The following MECOM variants were observed in gnomAD, a reference collection of about 807,000 sequenced individuals.
MECOM encodes MDS1 and EVI1 complex locus.
In MECOM, 13 loss-of-function variants were observed where a neutral mutation model predicts 116.3. That is an observed-to-expected ratio of 0.11 (90% CI 0.07 to 0.18). The LOEUF (loss-of-function observed/expected upper bound fraction) is 0.18, where lower values mean the gene tolerates loss of function less well. Ranked by LOEUF, MECOM falls within the 10% of genes least tolerant of loss-of-function variation. MECOM has a pLI of 1.00. For synonymous variants in MECOM, 528 were observed against 535.2 expected, an observed-to-expected ratio of 0.99 and a Z score of 0.19; for missense variants, 1,299 against 1,509.0, an observed-to-expected ratio of 0.86 and a Z score of 2.31.
intron 1 of MECOM, among the ~76,000 whole-genome samples, chr3:169,466,362 C>T (rs1360219980): frequency 3.3e-5 from 5 of 152,158 alleles, no homozygotes; most frequent in African/African-American, 7.2e-5. Context: ...GAAGGCTCTG[C>T]GCTGTGCTTG....
chr3:169,456,952 C>T (rs929978276), intron 1 of MECOM, among the ~76,000 whole-genome samples: 6 of 152,166 alleles, frequency 3.9e-5, no homozygotes, highest in Non-Finnish European at 8.8e-5. Context: ...AGGCAGGAGG[C>T]CCTGATGTGA....
At chr3:169,135,297 T>G (rs1419819324) in intron 3 of MECOM, among the ~76,000 whole-genome samples, 1 of 152,038 alleles carries the variant, frequency 6.6e-6, no homozygotes, top group African/African-American at 2.4e-5. Flanking sequence ...AATAAAAATA[T>G]CCTGGATCTG....
At chr3:169,573,477 C>G (rs1576944420) in intron 1 of MECOM, among the ~76,000 whole-genome samples, 1 of 152,162 alleles carries the variant, frequency 6.6e-6, no homozygotes, top group Non-Finnish European at 1.5e-5. Flanking sequence ...CTGACGGCAG[C>G]CGAAGCAGCA....
At chr3:169,580,621 A>G (rs1427247832) in intron 1 of MECOM, among the ~76,000 whole-genome samples, 1 of 152,174 alleles carries the variant, frequency 6.6e-6, no homozygotes, top group African/African-American at 2.4e-5. Context: ...TATTTTCCTG[A>G]AAAGGCAGCT....
intron 1 of MECOM, among the ~76,000 whole-genome samples, chr3:169,610,846 A>G (rs560520320): frequency 1.2e-4 from 18 of 152,342 alleles, no homozygotes; most frequent in African/African-American, 4.1e-4. Context: ...CCCAGCCTCT[A>G]GAACAAGGCT....
intron 1 of MECOM, among the ~76,000 whole-genome samples, chr3:169,504,520 T>C (rs1754962178): frequency 6.6e-6 from 1 of 152,160 alleles, no homozygotes; most frequent in South Asian, 2.1e-4. Context: ...ATAATTCTAT[T>C]CCACTTTATT....
intron 1 of MECOM, among the ~76,000 whole-genome samples, chr3:169,502,422 C>T (rs1386674718): frequency 2.0e-5 from 3 of 152,056 alleles, no homozygotes; most frequent in Non-Finnish European, 4.4e-5. Context: ...TCTGATTTTC[C>T]TGCTTTCCTT....
chr3:169,309,978 C>G (rs957795230), intron 2 of MECOM, among the ~76,000 whole-genome samples: 8 of 152,148 alleles, frequency 5.3e-5, no homozygotes, highest in African/African-American at 1.7e-4. Flanking sequence ...ACATCAGGAC[C>G]GGGGAAGAGG....
intron 1 of MECOM, among the ~76,000 whole-genome samples, chr3:169,453,930 ACT>A (rs1229923230): frequency 6.6e-6 from 1 of 151,586 alleles, no homozygotes; most frequent in Non-Finnish European, 1.5e-5. Flanking sequence ...TAAAAAAAAA[ACT>A]CTGTTATCAG....
chr3:169,428,946 T>C (rs111751192), intron 1 of MECOM, among the ~76,000 whole-genome samples: 3 of 152,194 alleles, frequency 2.0e-5, no homozygotes, highest in South Asian at 4.2e-4. Context: ...AAGAAGCTCA[T>C]AGTCTAGAGA....
In MECOM at chr3:169,194,682, T is replaced by C. The variant is rs552273025; in HGVS notation, c.376-50850A>G. On this transcript the variant is annotated intron_variant, in intron 2 of 16. Coordinates refer to ENST00000651503, the MANE Select transcript of MECOM (RefSeq NM_004991.4). ...GACACTGCCAAGAAACTAAATGCAG[T>C]TGAGTGTTACCGCTGAAATCACCAG... Among the ~76,000 whole-genome samples the C allele has an allele frequency of 1.1e-4, 17 of 152,106 alleles. No individual in the cohort carries two copies. The East Asian group carries it at 3.3e-3, about 30-fold the overall frequency.
chr3:169,582,517 G>A (rs779180771), intron 1 of MECOM, among the ~76,000 whole-genome samples: 1 of 152,126 alleles, frequency 6.6e-6, no homozygotes, highest in Non-Finnish European at 1.5e-5. Context: ...AAGCTACCAT[G>A]TTGACTTCAG....
chr3:169,546,212 C>T (rs1209941169), intron 1 of MECOM, among the ~76,000 whole-genome samples: 2 of 152,092 alleles, frequency 1.3e-5, no homozygotes, highest in Admixed American at 6.5e-5. Flanking sequence ...TCTATATATG[C>T]TCTTCTGCAG....
chr3:169,369,262 G>A (rs922014726), intron 2 of MECOM, among the ~76,000 whole-genome samples: 1 of 151,316 alleles, frequency 6.6e-6, no homozygotes, highest in Non-Finnish European at 1.5e-5. Flanking sequence ...AAGAAAGAAG[G>A]TCCCTCTTGA....
At chr3:169,347,020 T>C (rs1217095312) in intron 2 of MECOM, among the ~76,000 whole-genome samples, 2 of 152,128 alleles carry the variant, frequency 1.3e-5, no homozygotes, top group Non-Finnish European at 2.9e-5. Flanking sequence ...AGTGGAATTC[T>C]ATACAATAAT....
At chr3:169,201,732 C>T (rs919657666) in intron 2 of MECOM, among the ~76,000 whole-genome samples, 1 of 152,066 alleles carries the variant, frequency 6.6e-6, no homozygotes, top group East Asian at 1.9e-4. Context: ...GCTAAACGAT[C>T]GTACATTTCC....
At chr3:169,485,975 T>TATATATAGTATATATATGTATATATATAC (rs1560340884) in intron 1 of MECOM, among the ~76,000 whole-genome samples, 3 of 67,666 alleles carry the variant, frequency 4.4e-5, no homozygotes, top group African/African-American at 2.3e-4. Context: ...TATATATACA[T>TATATATAGTATATATATGTATATATATAC]ATATATATAG....
intron 1 of MECOM, among the ~76,000 whole-genome samples, chr3:169,571,327 C>A (rs1019268501): frequency 7.1e-6 from 1 of 141,678 alleles, no homozygotes; most frequent in Non-Finnish European, 1.5e-5. Flanking sequence ...AACCATTGCT[C>A]AAGGAAATAA....
At chr3:169,377,907 C>T (rs180863507) in intron 2 of MECOM, among the ~76,000 whole-genome samples, 13 of 152,066 alleles carry the variant, frequency 8.5e-5, no homozygotes, top group Non-Finnish European at 1.8e-4. Context: ...CAATAGCAAA[C>T]ACTTGGAACC....
Sources: allele counts gnomAD v4.1 joint callset (sites outside exome capture counted in the v4.1 genomes callset), GRCh38; gene constraint gnomAD v4.1.1; transcripts MANE v1.5; gene names NCBI Gene and HGNC (gene_info 2026-07-23, HGNC 2026-07-21).